Variants in NUP214 observed in about 807,000 individuals in gnomAD.
The protein encoded by NUP214 is nucleoporin 214.
Under a neutral mutation model 196.2 loss-of-function variants are expected in NUP214, and 79 were observed. The ratio of observed to expected loss-of-function variants is 0.40; its 90% CI spans 0.34 to 0.49. The LOEUF is 0.49. Ranked by LOEUF, NUP214 falls within the 20% of genes least tolerant of loss-of-function variation. The probability of loss-of-function intolerance (pLI) is 0.58; values close to 1 mark genes in which losing one functional copy is unlikely to be tolerated. For missense variants in NUP214, 2,468 were observed against 2,539.0 expected (o/e 0.97, Z 0.60); for synonymous variants, 1,020 against 990.5 (o/e 1.03, Z -0.56).
At chr9:131,140,862 A>G (rs353540) in intron 11 of NUP214, 152 bp downstream of exon 11, 122,946 of 650,708 alleles carry the variant, frequency 0.19, 14,224 homozygotes, top group Middle Eastern at 0.26. Context: ...TTTTTTAAAC[A>G]TGCATGTACA....
rs116993955 is a variant in NUP214 at position 131,207,166 on chromosome 9, T to C, written c.5592+5449T>C. Among the ~76,000 whole-genome samples, 999 of 152,334 alleles carry C rather than the reference T, an allele frequency of 6.6e-3. 10 individuals are homozygous for C. The highest frequency in any genetic ancestry group is 7.4e-3 in the Non-Finnish European group (506 of 68,032). The stretch of plus-strand genomic sequence containing the variant: ...AACACCAAGAAAAATCCAGATGATG[T>C]AGAAGTCACACTTACTCTGGCAGTA... On this transcript the variant is annotated intron_variant, in intron 30 of 35. Transcript: ENST00000359428.
chr9:131,136,248 C>T (rs978743723), intron 9 of NUP214, among the ~76,000 whole-genome samples: 1 of 152,206 alleles, frequency 6.6e-6, no homozygotes, highest in African/African-American at 2.4e-5. Flanking sequence ...CCATGTTGGC[C>T]AGGCTGGTCA....
chr9:131,155,334 A>T (rs1237411291), intron 17 of NUP214, among the ~76,000 whole-genome samples: 1 of 151,638 alleles, frequency 6.6e-6, no homozygotes, highest in Non-Finnish European at 1.5e-5. Context: ...TTTTGATGGG[A>T]TTGTTTGTTT....
intron 24 of NUP214, among the ~76,000 whole-genome samples, chr9:131,180,551 A>G (rs1833244645): frequency 6.6e-6 from 1 of 152,232 alleles, no homozygotes; most frequent in Non-Finnish European, 1.5e-5. Flanking sequence ...CAGAAGATTC[A>G]TCATAGGATG....
chr9:131,135,530 C>T (rs1036816660), intron 8 of NUP214, among the ~76,000 whole-genome samples: 1 of 152,104 alleles, frequency 6.6e-6, no homozygotes, highest in African/African-American at 2.4e-5. Flanking sequence ...CTCAATAACC[C>T]CTAGTGATGA....
At chr9:131,134,439 TTTTTGAAATATGTTTATCTAGATGCC>T in intron 7 of NUP214, among the ~76,000 whole-genome samples, 1 of 152,256 alleles carries the variant, frequency 6.6e-6, no homozygotes, top group Middle Eastern at 3.4e-3. Flanking sequence ...TAAGGTTGAG[TTTTTGAAATATGTTTATCTAGATGCC>T]TTATTTTAAG....
intron 11 of NUP214, among the ~76,000 whole-genome samples, chr9:131,142,707 T>C (rs1413707654): frequency 3.3e-5 from 5 of 152,270 alleles, no homozygotes; most frequent in Non-Finnish European, 7.3e-5. Flanking sequence ...CCATATCTAT[T>C]GTATAAAGAA....
At chr9:131,181,058 A>G (rs1203126565) in intron 24 of NUP214, among the ~76,000 whole-genome samples, 2 of 152,160 alleles carry the variant, frequency 1.3e-5, no homozygotes, top group African/African-American at 4.8e-5. Flanking sequence ...AAGCGGGGGA[A>G]AGGTTAGAGA....
At chr9:131,176,618 T>C (rs900065191) in intron 23 of NUP214, among the ~76,000 whole-genome samples, 5 of 152,234 alleles carry the variant, frequency 3.3e-5, no homozygotes, top group Non-Finnish European at 2.9e-5. Flanking sequence ...CATGAGCCAC[T>C]GCTCCTGACC....
chr9:131,153,936 T>C (rs972529820), intron 17 of NUP214, among the ~76,000 whole-genome samples: 3 of 152,050 alleles, frequency 2.0e-5, no homozygotes, highest in Non-Finnish European at 4.4e-5. Context: ...GGACCACAGG[T>C]GAGGGAGCAG....
chr9:131,175,504 A>G lies in NUP214; in HGVS notation c.3202A>G (p.Thr1068Ala), dbSNP rs777544652. The change falls in exon 23 of 36, where the codon ACA (threonine) becomes GCA (alanine). Residue 1068 changes from threonine (T) to alanine (A), a missense_variant. Transcript: ENST00000359428. ...AATTATTCCTCAAGGGGCCGATAGC[A>G]CAATGCTTGCCACGAAAACCGTGAA... is the stretch of plus-strand genomic sequence containing the variant. ...SKIIPQGADS[T>A]MLATKTVKHG... 3.1e-6 allele frequency: 5 copies of G among 1,614,210 alleles called. No homozygotes were observed. The highest frequency in any genetic ancestry group is 3.4e-6 in the Non-Finnish European group (4 of 1,180,034).
chr9:131,145,735 T>C (rs919885576), intron 12 of NUP214, among the ~76,000 whole-genome samples: 2 of 152,186 alleles, frequency 1.3e-5, no homozygotes, highest in African/African-American at 4.8e-5. Context: ...AGGTGCTCAC[T>C]CTCAAAACGA....
intron 3 of NUP214, 37 bp downstream of exon 3, chr9:131,128,520 C>G: frequency 6.5e-7 from 1 of 1,539,478 alleles, no homozygotes; most frequent in Non-Finnish European, 8.8e-7. Context: ...AACATGAGAA[C>G]CCTAAGCAGA....
At chr9:131,127,214 G>A (rs1052775949) in intron 1 of NUP214, 3 of 189,564 alleles carry the variant, frequency 1.6e-5, no homozygotes, top group East Asian at 2.9e-4. Context: ...GAAACCCTGT[G>A]TCTACTAAAA....
intron 31 of NUP214, among the ~76,000 whole-genome samples, chr9:131,217,532 G>A (rs150551226): frequency 1.6e-4 from 25 of 152,272 alleles, no homozygotes; most frequent in African/African-American, 6.0e-4. Context: ...TGAAAACATC[G>A]TCCTTTTATG....
rs115910852 is a variant in NUP214 at position 131,145,511 on chromosome 9, C to T, written c.1770-618C>T. Among the ~76,000 whole-genome samples, 340 of 152,268 alleles carry T rather than the reference C, an allele frequency of 2.2e-3. 4 individuals are homozygous for T. Among genetic ancestry groups the T allele is most frequent in the African/African-American group, 7.8e-3 (326 of 41,530 alleles). ...GCTGCCACCACAGTTACTGTTAATA[C>T]TGAATTGGCACACATCCACTTCATG... On this transcript the variant is annotated intron_variant, in intron 12 of 35. Coordinates refer to ENST00000359428, the MANE Select transcript of NUP214 (RefSeq NM_005085.4).
chr9:131,194,429 G>T (rs947644420), intron 27 of NUP214, among the ~76,000 whole-genome samples: 9 of 152,130 alleles, frequency 5.9e-5, no homozygotes, highest in Non-Finnish European at 1.0e-4. Flanking sequence ...GTAGAAACAG[G>T]GTTCCACCAT....
chr9:131,197,186 A>G, intron 28 of NUP214, 30 bp from the exon 29 acceptor site: 1 of 1,605,180 alleles, frequency 6.2e-7, no homozygotes. Flanking sequence ...GCTAAATCCA[A>G]CCCATTTTCT....
At position 131,198,756 on chromosome 9, in the gene NUP214, T is replaced by A. The variant is rs746092155; in HGVS notation, c.5262T>A (p.Pro1754=). Reference sequence around the variant, plus strand: ...GTCAGCCTGGGTTCAGTTCCGTGCCTGCCTTCGGTCAGCCTGCTTCCTCCA... The same window carrying A: ...GTCAGCCTGGGTTCAGTTCCGTGCCAGCCTTCGGTCAGCCTGCTTCCTCCA... The part of the protein sequence containing the change: ...SFSQPGFSSV[P]AFGQPASSTP... Residue 1754 remains proline, a synonymous_variant, in exon 29 of 36, where the codon CCT becomes CCA. Coordinates refer to ENST00000359428, the MANE Select transcript of NUP214 (RefSeq NM_005085.4). 1 of 1,614,258 alleles carries A rather than the reference T, an allele frequency of 6.2e-7. No homozygotes were observed. Among genetic ancestry groups the A allele is most frequent in the South Asian group, 1.1e-5 (1 of 91,086 alleles).
Sources: gnomAD v4.1 joint callset for allele counts (sites outside exome capture counted in the v4.1 genomes callset) on GRCh38, gnomAD v4.1.1 for gene constraint, MANE v1.5 for transcripts, NCBI Gene and HGNC (gene_info 2026-07-23, HGNC 2026-07-21) for gene names.